TCF24: variants seen among roughly 807,000 people sequenced by gnomAD.
The protein encoded by TCF24 is transcription factor 24.
In TCF24, 5 loss-of-function variants were observed where a neutral mutation model predicts 9.3. The ratio of observed to expected loss-of-function variants is 0.54; its 90% CI spans 0.28 to 1.13. TCF24 has a LOEUF of 1.13. Ranked by LOEUF, TCF24 falls within the 50% of genes most tolerant of loss-of-function variation. The pLI is 0.09. For missense variants in TCF24, 220 were observed against 236.1 expected (o/e 0.93, Z 0.45); for synonymous variants, 110 against 115.8 (o/e 0.95, Z 0.32).
At position 66,946,910 on chromosome 8, in the gene TCF24, A is replaced by C. The variant is rs903496143; in HGVS notation, c.*1141T>G. On this transcript the variant is annotated 3_prime_UTR_variant, in exon 4 of 4. Coordinates refer to ENST00000563496, the MANE Select transcript of TCF24 (RefSeq NM_001193502.2). ...TTCTGAAATTCTTGCTGTTAAATTTAGTGTTTACAATTCAGTTTGAGGTAA... is the reference window on the plus strand; with the variant it reads ...TTCTGAAATTCTTGCTGTTAAATTTCGTGTTTACAATTCAGTTTGAGGTAA... 1 of 152,202 alleles carries C rather than the reference A, an allele frequency of 6.6e-6. No individual in the cohort carries two copies. Among genetic ancestry groups the C allele is most frequent in the Non-Finnish European group, 1.5e-5 (1 of 68,030 alleles). The allele number at this position is 152,202 out of a possible 1,614,324, so 9.4% of individuals were successfully genotyped here.
chr8:66,961,397 A>G lies in TCF24; in HGVS notation c.369T>C (p.Asp123=), dbSNP rs1814249558. The change falls in exon 3 of 4, where the codon GAT becomes GAC. Residue 123 remains aspartate, a synonymous_variant. Coordinates refer to ENST00000563496, the MANE Select transcript of TCF24 (RefSeq NM_001193502.2). ...TTACCTTGACCGGGTGCAGGTAGCC[A>G]TCGCCGCGCAGGGCGCCCAACCCGG... The part of the protein sequence containing the change: ...ADAGLGALRG[D]GYLHPVKKWP... 5 of 1,506,056 alleles carry G rather than the reference A, an allele frequency of 3.3e-6. No homozygotes were observed. The highest frequency in any genetic ancestry group is 1.2e-5 in the South Asian group (1 of 80,224). The allele number at this position is 1,506,056 out of a possible 1,614,324, so 93.3% of individuals were successfully genotyped here.
At chr8:66,957,701 T>C (rs1459824386) in intron 3 of TCF24, among the ~76,000 whole-genome samples, 1 of 152,054 alleles carries the variant, frequency 6.6e-6, no homozygotes, top group Non-Finnish European at 1.5e-5. Flanking sequence ...GTGGCTACAT[T>C]ATATACCAGT....
chr8:66,955,309 G>T (rs961880282), intron 3 of TCF24, among the ~76,000 whole-genome samples: 2 of 151,732 alleles, frequency 1.3e-5, no homozygotes, highest in African/African-American at 4.8e-5. Flanking sequence ...AGGGAGGCAG[G>T]TGTCATATAA....
rs1018835673 is a variant in TCF24 at position 66,961,395 on chromosome 8, C to A, written c.371G>T (p.Gly124Val). Residue 124 changes from glycine (G) to valine (V), a missense_variant, in exon 3 of 4, where the codon GGC becomes GTC. Gly to Val is a moderately radical substitution (Grantham distance 109). Transcript: ENST00000563496. ...DAGLGALRGD[G>V]YLHPVKKWPM... ...GCTTACCTTGACCGGGTGCAGGTAG[C>A]CATCGCCGCGCAGGGCGCCCAACCC... The A allele has an allele frequency of 1.5e-5, 23 of 1,504,664 alleles. No homozygotes were observed. Among genetic ancestry groups the A allele is most frequent in the Non-Finnish European group, 1.8e-5 (20 of 1,133,194 alleles). 93.2% of individuals were successfully genotyped at this position (1,504,664 alleles called of 1,614,324 possible).
intron 3 of TCF24, among the ~76,000 whole-genome samples, chr8:66,956,725 T>C (rs1563407255): frequency 6.6e-6 from 1 of 152,200 alleles, no homozygotes; most frequent in Non-Finnish European, 1.5e-5. Context: ...GGCATTGTTA[T>C]ATCAGATTAA....
intron 3 of TCF24, among the ~76,000 whole-genome samples, chr8:66,950,742 T>G (rs1814046184): frequency 6.6e-6 from 1 of 152,086 alleles, no homozygotes; most frequent in Non-Finnish European, 1.5e-5. Flanking sequence ...GTTCTTCCAT[T>G]TGTTTGTATC....
chr8:66,950,572 G>A (rs1248116875), intron 3 of TCF24, among the ~76,000 whole-genome samples: 5 of 151,448 alleles, frequency 3.3e-5, no homozygotes, highest in African/African-American at 4.8e-5. Context: ...TTGGCGATGC[G>A]GGCTCTTTTT....
At chr8:66,961,287 TAG>T in intron 3 of TCF24, 87 bp downstream of exon 3, 1 of 1,322,916 alleles carries the variant, frequency 7.6e-7, no homozygotes, top group Middle Eastern at 2.8e-4. Context: ...GAAAAGGAAT[TAG>T]AGCATCTACC....
intron 3 of TCF24, among the ~76,000 whole-genome samples, chr8:66,948,840 A>G (rs1326890338): frequency 1.3e-5 from 2 of 151,968 alleles, no homozygotes; most frequent in Non-Finnish European, 2.9e-5. Flanking sequence ...GGATTATAGG[A>G]GCATACCACC....
In TCF24 at chr8:66,961,414, C is replaced by T; in HGVS notation, c.352G>A (p.Gly118Ser). The change falls in exon 3 of 4, where the codon GGC (glycine) becomes AGC (serine). Residue 118 changes from glycine (G) to serine (S), a missense_variant. Coordinates refer to ENST00000563496, the MANE Select transcript of TCF24 (RefSeq NM_001193502.2). ...DAEAPADAGL[G>S]ALRGDGYLHP... ...AGGTAGCCATCGCCGCGCAGGGCGC[C>T]CAACCCGGCGTCCGCCGGCGCCTCG... 6.6e-7 allele frequency: 1 copy of T among 1,517,098 alleles called. No homozygotes were observed. Among genetic ancestry groups the T allele is most frequent in the Non-Finnish European group, 8.8e-7 (1 of 1,138,942 alleles). The allele number at this position is 1,517,098 out of a possible 1,614,324, so 94.0% of individuals were successfully genotyped here.
At chr8:66,957,268 T>C (rs553285115) in intron 3 of TCF24, among the ~76,000 whole-genome samples, 2 of 150,640 alleles carry the variant, frequency 1.3e-5, no homozygotes, top group Non-Finnish European at 2.9e-5. Flanking sequence ...AATACAAATA[T>C]TAGCTGGGCG....
chr8:66,948,365 A>G (rs1411313025), intron 3 of TCF24, among the ~76,000 whole-genome samples: 6 of 152,204 alleles, frequency 3.9e-5, no homozygotes, highest in Non-Finnish European at 7.3e-5. Context: ...ATATACTCAG[A>G]CTTTGATTAA....
At chr8:66,961,829 G>T in intron 2 of TCF24, 41 bp from the exon 3 acceptor site, 1 of 1,055,956 alleles carries the variant, frequency 9.5e-7, no homozygotes, top group East Asian at 6.0e-5. Context: ...GGGGGCGGTC[G>T]GGCTTAACCC....
chr8:66,959,297 A>T (rs1814217066), intron 3 of TCF24, among the ~76,000 whole-genome samples: 1 of 152,264 alleles, frequency 6.6e-6, no homozygotes, highest in African/African-American at 2.4e-5. Flanking sequence ...ACTATGTTGT[A>T]AGGCAGAAAA....
At position 66,961,644 on chromosome 8, in the gene TCF24, C is replaced by G. The variant is rs1814257115; in HGVS notation, c.122G>C (p.Gly41Ala). Residue 41 changes from glycine (G) to alanine (A), a missense_variant, in exon 3 of 4, where the codon GGC (glycine) becomes GCC (alanine). Transcript: ENST00000563496. Reference sequence around the variant, plus strand: ...CCGCCCGCTCCCGGAACGCGAGCCGCCCCCAGGGCCCGCCGGCCCCGGCCC... The same window carrying G: ...CCGCCCGCTCCCGGAACGCGAGCCGGCCCCAGGGCCCGCCGGCCCCGGCCC... ...RTGPGPAGPG[G>A]GSRSGSGRPA... 8.2e-7 allele frequency: 1 copy of G among 1,213,116 alleles called. No homozygotes were observed. The highest frequency in any genetic ancestry group is 1.0e-6 in the Non-Finnish European group (1 of 978,470). The allele number at this position is 1,213,116 out of a possible 1,614,324, so 75.1% of individuals were successfully genotyped here.
At chr8:66,958,940 C>T (rs945596272) in intron 3 of TCF24, among the ~76,000 whole-genome samples, 2 of 152,152 alleles carry the variant, frequency 1.3e-5, no homozygotes, top group Non-Finnish European at 2.9e-5. Flanking sequence ...CACCAGGTTC[C>T]CAGTCTCTTA....
chr8:66,953,895 T>C (rs1276508767), intron 3 of TCF24, among the ~76,000 whole-genome samples: 20 of 151,932 alleles, frequency 1.3e-4, no homozygotes, highest in African/African-American at 4.1e-4. Context: ...CATTGGCTCC[T>C]GAGGCTTCTG....
At chr8:66,959,981 T>C (rs965540287) in intron 3 of TCF24, among the ~76,000 whole-genome samples, 13 of 152,198 alleles carry the variant, frequency 8.5e-5, no homozygotes, top group African/African-American at 3.1e-4. Flanking sequence ...CATCCTGACT[T>C]CTCATTCTGA....
intron 3 of TCF24, among the ~76,000 whole-genome samples, chr8:66,953,676 T>C (rs1261000712): frequency 1.3e-5 from 2 of 152,152 alleles, no homozygotes; most frequent in Non-Finnish European, 2.9e-5. Flanking sequence ...TCCTGGATAA[T>C]ATCCTGCAGA....
Sources: gnomAD v4.1 joint callset for allele counts (sites outside exome capture counted in the v4.1 genomes callset) on GRCh38, gnomAD v4.1.1 for gene constraint, MANE v1.5 for transcripts, NCBI Gene and HGNC (gene_info 2026-07-23, HGNC 2026-07-21) for gene names.